The following TRAPPC9 variants were observed in gnomAD, a reference collection of about 807,000 sequenced individuals.
The protein encoded by TRAPPC9 is trafficking protein particle complex subunit 9.
Under a neutral mutation model 124.0 loss-of-function variants are expected in TRAPPC9, and 83 were observed. That is an observed-to-expected ratio of 0.67 (90% CI 0.56 to 0.80). The LOEUF (loss-of-function observed/expected upper bound fraction) is 0.80. Ranked by LOEUF, TRAPPC9 falls within the 30% of genes least tolerant of loss-of-function variation. The pLI is 0.00. For synonymous variants in TRAPPC9, 638 were observed against 617.5 expected (o/e 1.03, Z -0.49); for missense variants, 1,302 against 1,508.3 (o/e 0.86, Z 2.27).
At chr8:139,982,019 A>G (rs1446129531) in intron 19 of TRAPPC9, among the ~76,000 whole-genome samples, 1 of 152,218 alleles carries the variant, frequency 6.6e-6, no homozygotes, top group Non-Finnish European at 1.5e-5. Flanking sequence ...GATAACATCT[A>G]TTATCATACA....
At chr8:140,199,474 G>A (rs1489792613) in intron 17 of TRAPPC9, among the ~76,000 whole-genome samples, 1 of 152,042 alleles carries the variant, frequency 6.6e-6, no homozygotes, top group Non-Finnish European at 1.5e-5. Flanking sequence ...CAGTTCGTAG[G>A]TGATCAAGCT....
chr8:140,066,525 G>C (rs9987138), intron 17 of TRAPPC9, among the ~76,000 whole-genome samples: 56,771 of 152,112 alleles, frequency 0.37, 12,764 homozygotes, highest in Middle Eastern at 0.55. Context: ...CTGTGAGATT[G>C]AGAATACAGG....
chr8:140,023,842 G>T, intron 18 of TRAPPC9, 95 bp downstream of exon 18: 1 of 1,581,078 alleles, frequency 6.3e-7, no homozygotes, highest in Non-Finnish European at 8.7e-7. Flanking sequence ...CGGATCTGAC[G>T]GGATGCATGA....
chr8:140,161,178 T>C lies in TRAPPC9; in HGVS notation c.2556+60281A>G, dbSNP rs118086708. On this transcript the variant is annotated intron_variant, in intron 17 of 22. Coordinates refer to ENST00000438773, the MANE Select transcript of TRAPPC9 (RefSeq NM_001160372.4). ...CAGCAGGGGAGGAGAACACATCACC[T>C]GCAGGCATTTGCTGGGTGCTTACTG... Among the ~76,000 whole-genome samples the C allele has an allele frequency of 1.6e-4, 25 of 152,296 alleles. No homozygotes were observed. In the East Asian group the frequency reaches 4.4e-3, roughly 27 times the overall value.
chr8:140,087,075 C>T lies in TRAPPC9; in HGVS notation c.2557-62996G>A, dbSNP rs1334974633. 6.6e-6 allele frequency among the ~76,000 whole-genome samples: 1 copy of T among 152,184 alleles called. No homozygotes were observed. Among genetic ancestry groups the T allele is most frequent in the East Asian group, 1.9e-4 (1 of 5,186 alleles). On this transcript the variant is annotated intron_variant, in intron 17 of 22. Coordinates refer to ENST00000438773, the MANE Select transcript of TRAPPC9 (RefSeq NM_001160372.4). This position sits in a 1 kb window ranked among gnomAD's most constrained non-coding sequence, Gnocchi z 4.6. Reference sequence around the variant, plus strand: ...TTGCCACCGTCAGCCTGCCATCCTCCTACTCCTCTGAAATGACTCTTTCCA... The same window carrying T: ...TTGCCACCGTCAGCCTGCCATCCTCTTACTCCTCTGAAATGACTCTTTCCA...
At chr8:139,764,363 T>G (rs1262132228) in intron 21 of TRAPPC9, among the ~76,000 whole-genome samples, 1 of 152,208 alleles carries the variant, frequency 6.6e-6, no homozygotes, top group East Asian at 1.9e-4. Flanking sequence ...CACAACATCT[T>G]TGCTGAAGAA....
intron 11 of TRAPPC9, among the ~76,000 whole-genome samples, chr8:140,294,793 T>C (rs2065759754): frequency 6.6e-6 from 1 of 151,966 alleles, no homozygotes; most frequent in South Asian, 2.1e-4. Flanking sequence ...GTATTTTTAG[T>C]AGAGACAGGG....
At chr8:139,937,289 T>C (rs372604981) in intron 19 of TRAPPC9, among the ~76,000 whole-genome samples, 1 of 152,154 alleles carries the variant, frequency 6.6e-6, no homozygotes, top group Non-Finnish European at 1.5e-5. Context: ...TGAAGTAAAG[T>C]AGACACAGAT....
chr8:139,833,180 C>A (rs968100511), intron 21 of TRAPPC9, among the ~76,000 whole-genome samples: 1 of 152,192 alleles, frequency 6.6e-6, no homozygotes, highest in Non-Finnish European at 1.5e-5. Context: ...GTAGATTTTT[C>A]TCCATTCCCT....
At chr8:139,739,296 GC>G (rs1818404962) in intron 21 of TRAPPC9, among the ~76,000 whole-genome samples, 1 of 152,172 alleles carries the variant, frequency 6.6e-6, no homozygotes, top group Non-Finnish European at 1.5e-5. Flanking sequence ...GCCTCCACCC[GC>G]CCCGCCCTGG....
chr8:140,233,439 C>T (rs918982272), intron 16 of TRAPPC9, among the ~76,000 whole-genome samples: 2 of 151,970 alleles, frequency 1.3e-5, no homozygotes, highest in Non-Finnish European at 2.9e-5. Context: ...CTCCTGACCT[C>T]GTGATCCACC....
Position 140,352,747 on chromosome 8 carries a change from T to C in TRAPPC9, c.1495+7303A>G, listed in dbSNP as rs763287710. Among the ~76,000 whole-genome samples the C allele has an allele frequency of 3.0e-4, 45 of 152,162 alleles. 1 individual carries two copies. Among genetic ancestry groups the C allele is most frequent in the Admixed American group, 9.8e-4 (15 of 15,280 alleles). ...AGCACTGCTAGAGTTAATTACAATATTATAAGACAAATTATAACAGCAGCA... is the reference window on the plus strand; with the variant it reads ...AGCACTGCTAGAGTTAATTACAATACTATAAGACAAATTATAACAGCAGCA... On this transcript the variant is annotated intron_variant, in intron 9 of 22. Transcript: ENST00000438773.
At chr8:140,062,830 C>G (rs909981606) in intron 17 of TRAPPC9, among the ~76,000 whole-genome samples, 7 of 152,170 alleles carry the variant, frequency 4.6e-5, no homozygotes, top group Non-Finnish European at 7.3e-5. Context: ...AATTTGGCCC[C>G]AGAGCCACCC....
chr8:140,187,061 A>T (rs2062368820), intron 17 of TRAPPC9, among the ~76,000 whole-genome samples: 1 of 152,178 alleles, frequency 6.6e-6, no homozygotes. Flanking sequence ...TTGGGACCGT[A>T]AGTGTTTTAA....
chr8:140,275,934 G>C, intron 14 of TRAPPC9, 113 bp from the exon 15 acceptor site: 1 of 882,284 alleles, frequency 1.1e-6, no homozygotes, highest in Non-Finnish European at 1.8e-6. Flanking sequence ...AGAAACAGGG[G>C]CTAGGAAATC....
At position 139,932,428 on chromosome 8, in the gene TRAPPC9, A is replaced by C. The variant is rs375354037; in HGVS notation, c.2811-22128T>G. 658 of 457,836 alleles carry C rather than the reference A, an allele frequency of 1.4e-3. 3 individuals are homozygous for C. The highest frequency in any genetic ancestry group is 0.011 in the African/African-American group (567 of 50,200). 28.4% of individuals were successfully genotyped at this position (457,836 alleles called of 1,614,324 possible). On this transcript the variant is annotated intron_variant, in intron 19 of 22. Coordinates refer to ENST00000438773, the MANE Select transcript of TRAPPC9 (RefSeq NM_001160372.4). ...TATGGCTCCCTTTCTTTCTCCCGTC[A>C]TAAGTACAAGATGTTGGCTGACCTG...
chr8:140,287,500 T>C, intron 13 of TRAPPC9, 108 bp downstream of exon 13: 1 of 1,449,228 alleles, frequency 6.9e-7, no homozygotes, highest in Non-Finnish European at 9.7e-7. Context: ...CATTATCTTC[T>C]AACTGGTTAG....
chr8:139,887,217 CTTTTTTTTTTTTT>C (rs1221275448), intron 20 of TRAPPC9, among the ~76,000 whole-genome samples: 1 of 130,592 alleles, frequency 7.7e-6, no homozygotes, highest in African/African-American at 2.9e-5. Context: ...CCTATTTTAG[CTTTTTTTTTTTTT>C]TTTTTTTAGA....
At chr8:140,076,707 G>A (rs1008894545) in intron 17 of TRAPPC9, among the ~76,000 whole-genome samples, 2 of 152,172 alleles carry the variant, frequency 1.3e-5, no homozygotes, top group Admixed American at 6.5e-5. Flanking sequence ...TGGCATCGGC[G>A]CCTACTGTCA....
Sources: allele counts gnomAD v4.1 joint callset (sites outside exome capture counted in the v4.1 genomes callset), GRCh38; gene constraint gnomAD v4.1.1; non-coding constraint Gnocchi (gnomAD v3.1); transcripts MANE v1.5; gene names NCBI Gene and HGNC (gene_info 2026-07-23, HGNC 2026-07-21).